GLT1D1: variants seen among roughly 807,000 people sequenced by gnomAD.
GLT1D1 encodes glycosyltransferase 1 domain-containing protein 1.
A neutral mutation model predicts 28.7 loss-of-function variants in GLT1D1; 21 were observed. The observed-to-expected ratio is 0.73, with a 90% CI of 0.52 to 1.05. GLT1D1 has a LOEUF of 1.05. Among genes scored for constraint, GLT1D1 ranks in the 50% least tolerant of loss-of-function variants. The pLI is 0.00. For synonymous variants in GLT1D1, 147 were observed against 124.8 expected (o/e 1.18, Z -1.19); for missense variants, 343 against 330.6 (o/e 1.04, Z -0.29).
intron 6 of GLT1D1, among the ~76,000 whole-genome samples, chr12:128,955,434 G>T (rs1877173615): frequency 6.6e-6 from 1 of 152,002 alleles, no homozygotes. Context: ...CACCTGAGAA[G>T]ACATGAGCAT....
chr12:128,856,019 T>C (rs1956211624), intron 1 of GLT1D1, among the ~76,000 whole-genome samples: 1 of 152,188 alleles, frequency 6.6e-6, no homozygotes, highest in Non-Finnish European at 1.5e-5. Context: ...CCCAAAGTGC[T>C]AGGATTACAG....
rs554925508 is a variant in GLT1D1, at chr12:128,941,170, C to T, written c.376-4156C>T. Among the ~76,000 whole-genome samples the T allele has an allele frequency of 1.2e-3, 187 of 152,306 alleles. 2 individuals are homozygous for T. Among genetic ancestry groups the T allele is most frequent in the Admixed American group, 0.012 (178 of 15,300 alleles). On this transcript the variant is annotated intron_variant, in intron 4 of 7. Coordinates refer to ENST00000281703, the MANE Select transcript of GLT1D1 (RefSeq NM_144669.3). ...TGCCTAAGTTGGCACTTCCTTGTCA[C>T]GGCTGAGTGGCACTCCTTTGTATGG...
At chr12:128,949,511 T>G (rs1876468621) in intron 6 of GLT1D1, among the ~76,000 whole-genome samples, 1 of 152,140 alleles carries the variant, frequency 6.6e-6, no homozygotes, top group African/African-American at 2.4e-5. Context: ...CCTTTCAGAA[T>G]TAGCTGTATT....
chr12:128,942,735 G>GTTTTTTTTTTTTTTTTTTTTCTTTTTT (rs1397894974), intron 4 of GLT1D1, among the ~76,000 whole-genome samples: 1 of 89,518 alleles, frequency 1.1e-5, no homozygotes, highest in Non-Finnish European at 2.3e-5. Flanking sequence ...AATTTTCTTT[G>GTTTTTTTTTTTTTTTTTTTTCTTTTTT]TTTGTTTGTT....
At chr12:128,866,418 G>A (rs1372770036) in intron 1 of GLT1D1, among the ~76,000 whole-genome samples, 3 of 151,598 alleles carry the variant, frequency 2.0e-5, no homozygotes, top group Non-Finnish European at 4.4e-5. Context: ...CTTTTTTTAA[G>A]CAATTGAAAT....
chr12:128,969,427 C>A (rs1878813784), intron 7 of GLT1D1, among the ~76,000 whole-genome samples: 1 of 150,046 alleles, frequency 6.7e-6, no homozygotes, highest in Non-Finnish European at 1.5e-5. Flanking sequence ...GGTGTAGATG[C>A]CCCTGGATGC....
At chr12:128,975,005 C>T (rs1346978248) in intron 7 of GLT1D1, among the ~76,000 whole-genome samples, 1 of 151,468 alleles carries the variant, frequency 6.6e-6, no homozygotes, top group Non-Finnish European at 1.5e-5. Context: ...TTAGCTTTCT[C>T]ACCTGCTGGC....
At chr12:128,910,374 A>T (rs1019168428) in intron 4 of GLT1D1, among the ~76,000 whole-genome samples, 1 of 151,816 alleles carries the variant, frequency 6.6e-6, no homozygotes, top group African/African-American at 2.4e-5. Flanking sequence ...AGTGACAAAA[A>T]CTATAAACTC....
intron 4 of GLT1D1, among the ~76,000 whole-genome samples, chr12:128,938,662 A>G (rs1322831265): frequency 6.6e-6 from 1 of 152,216 alleles, no homozygotes; most frequent in Non-Finnish European, 1.5e-5. Context: ...TGTAACTCAT[A>G]ATGCCTACTG....
At chr12:128,962,728 G>A (rs1327629042) in intron 7 of GLT1D1, among the ~76,000 whole-genome samples, 2 of 152,126 alleles carry the variant, frequency 1.3e-5, no homozygotes, top group African/African-American at 4.8e-5. Flanking sequence ...TTGAGATTGA[G>A]TCTCCCTCTG....
At chr12:128,901,770 C>T (rs976157612) in intron 4 of GLT1D1, among the ~76,000 whole-genome samples, 9 of 149,954 alleles carry the variant, frequency 6.0e-5, no homozygotes, top group Non-Finnish European at 1.0e-4. Context: ...TTTTTTGAGA[C>T]GGGCTCTCAT....
intron 6 of GLT1D1, among the ~76,000 whole-genome samples, chr12:128,950,381 A>G (rs1378018774): frequency 6.6e-6 from 1 of 152,176 alleles, no homozygotes; most frequent in Non-Finnish European, 1.5e-5. Flanking sequence ...ATTGAGAATC[A>G]CCGTAACCCC....
chr12:128,880,833 TTGTG>T (rs1043020700), intron 2 of GLT1D1, among the ~76,000 whole-genome samples: 3 of 152,036 alleles, frequency 2.0e-5, no homozygotes, highest in African/African-American at 4.8e-5. Context: ...CGACCACTGT[TTGTG>T]TGTGTGTTTT....
At chr12:128,903,922 G>C (rs1460300960) in intron 4 of GLT1D1, among the ~76,000 whole-genome samples, 2 of 151,604 alleles carry the variant, frequency 1.3e-5, no homozygotes, top group East Asian at 1.9e-4. Flanking sequence ...GTAGAGACGG[G>C]GTTTCACCAT....
intron 4 of GLT1D1, among the ~76,000 whole-genome samples, chr12:128,937,603 A>T (rs1874699621): frequency 6.6e-6 from 1 of 152,084 alleles, no homozygotes. Flanking sequence ...ACACAGATAG[A>T]CACTGATATG....
In GLT1D1 at chr12:128,984,815, T is replaced by G. The variant is rs1380577915; in HGVS notation, c.*1725T>G. 3.9e-5 allele frequency: 6 copies of G among 152,250 alleles called. 1 individual carries two copies. The highest frequency in any genetic ancestry group is 8.8e-5 in the Non-Finnish European group (6 of 68,080). The allele number at this position is 152,250 out of a possible 1,614,324, so 9.4% of individuals were successfully genotyped here. On this transcript the variant is annotated 3_prime_UTR_variant, in exon 8 of 8. Coordinates refer to ENST00000281703, the MANE Select transcript of GLT1D1 (RefSeq NM_144669.3). Reference sequence around the variant, plus strand: ...TGATCGTCCGAAAGCTTGAATCTGTTCCTCCTCGAATGACCCTGTAGATGC... The same window carrying G: ...TGATCGTCCGAAAGCTTGAATCTGTGCCTCCTCGAATGACCCTGTAGATGC...
intron 1 of GLT1D1, among the ~76,000 whole-genome samples, chr12:128,868,750 T>C (rs570808684): frequency 6.6e-6 from 1 of 152,182 alleles, no homozygotes; most frequent in Non-Finnish European, 1.5e-5. Context: ...GCCCCATGGG[T>C]CCTGTCAGAT....
intron 7 of GLT1D1, among the ~76,000 whole-genome samples, chr12:128,982,066 C>T (rs754168989): frequency 6.6e-6 from 1 of 152,032 alleles, no homozygotes; most frequent in Non-Finnish European, 1.5e-5. Context: ...ATATTAAAAC[C>T]AGGTCAGCAG....
In GLT1D1 at chr12:128,879,935, A is replaced by T. The variant is rs568803768; in HGVS notation, c.217+3873A>T. Among the ~76,000 whole-genome samples, 9 of 152,254 alleles carry T rather than the reference A, an allele frequency of 5.9e-5. 1 individual carries two copies. In the South Asian group the frequency reaches 1.9e-3, roughly 32 times the overall value. ...TGTGACAATGCACCATACTTATTAA[A>T]AGTCTCTCTTGTTTTTTTGCTATTC... On this transcript the variant is annotated intron_variant, in intron 2 of 7. Transcript: ENST00000281703.
Sources: gnomAD v4.1 joint callset for allele counts (sites outside exome capture counted in the v4.1 genomes callset) on GRCh38, gnomAD v4.1.1 for gene constraint, MANE v1.5 for transcripts, NCBI Gene and HGNC (gene_info 2026-07-23, HGNC 2026-07-21) for gene names.